The following CFAP45 variants were observed in gnomAD, a reference collection of about 807,000 sequenced individuals.
CFAP45 encodes the protein cilia- and flagella-associated protein 45.
CFAP45 carries 43 observed loss-of-function variants against 75.6 expected under a neutral mutation model. The ratio of observed to expected loss-of-function variants is 0.57; its 90% CI spans 0.45 to 0.73. The LOEUF (loss-of-function observed/expected upper bound fraction) is 0.73. Ranked by LOEUF, CFAP45 falls within the 30% of genes least tolerant of loss-of-function variation. CFAP45 has a pLI of 0.00. For synonymous variants in CFAP45, 223 were observed against 244.6 expected (o/e 0.91, Z 0.82); for missense variants, 689 against 701.5 (o/e 0.98, Z 0.20).
At chr1:159,882,045 C>T (rs983328376) in intron 7 of CFAP45, among the ~76,000 whole-genome samples, 4 of 152,222 alleles carry the variant, frequency 2.6e-5, no homozygotes, top group African/African-American at 7.2e-5. Flanking sequence ...TGGCTCTCTG[C>T]CAGCTTGGCT....
chr1:159,894,895 G>A (rs1366451547), intron 1 of CFAP45, among the ~76,000 whole-genome samples: 2 of 152,198 alleles, frequency 1.3e-5, no homozygotes, highest in African/African-American at 4.8e-5. Flanking sequence ...CACTGATAAC[G>A]ATACCAGCAG....
chr1:159,892,773 G>A (rs1168859786), intron 2 of CFAP45, among the ~76,000 whole-genome samples: 1 of 152,208 alleles, frequency 6.6e-6, no homozygotes, highest in Non-Finnish European at 1.5e-5. Flanking sequence ...TGGGAAAGGA[G>A]GATGGTTTTG....
chr1:159,893,868 T>G (rs1335510100), intron 1 of CFAP45, among the ~76,000 whole-genome samples: 1 of 151,232 alleles, frequency 6.6e-6, no homozygotes, highest in African/African-American at 2.4e-5. Context: ...TTACTATATA[T>G]AAATGTATAT....
intron 8 of CFAP45, among the ~76,000 whole-genome samples, chr1:159,879,954 A>G (rs75724923): frequency 0.045 from 6,904 of 152,200 alleles, 235 homozygotes; most frequent in African/African-American, 0.097. Flanking sequence ...GCCTTCTTCT[A>G]CTCTCCAATC....
At chr1:159,896,552 T>TA (rs1309204854) in intron 1 of CFAP45, among the ~76,000 whole-genome samples, 1 of 152,160 alleles carries the variant, frequency 6.6e-6, no homozygotes, top group African/African-American at 2.4e-5. Context: ...CCAGAGGCAA[T>TA]AGCGAAGAAG....
In CFAP45 at chr1:159,873,366, A is replaced by G. The variant is rs1431549061; in HGVS notation, c.1353-198T>C. On this transcript the variant is annotated intron_variant, in intron 10 of 11. Transcript: ENST00000368099. ...ACATGCATGCCCCCTTCTCCTACCC[A>G]GCCAGGACTAGCTCCAGGGTCGCAT... The G allele has an allele frequency of 5.0e-6, 3 of 597,290 alleles. No homozygotes were observed. The African/African-American group carries it at 5.6e-5, about 11-fold the overall frequency. The allele number at this position is 597,290 out of a possible 1,614,324, so 37.0% of individuals were successfully genotyped here.
rs1557913494 is a variant in CFAP45 at position 159,884,536 on chromosome 1, T to C, written c.797A>G (p.Glu266Gly). 3 of 1,613,720 alleles carry C rather than the reference T, an allele frequency of 1.9e-6. No homozygotes were observed. The highest frequency in any genetic ancestry group is 2.7e-5 in the African/African-American group (2 of 75,016). The change falls in exon 7 of 12, where the codon GAA becomes GGA. Residue 266 changes from glutamate (E) to glycine (G), a missense_variant. Glu to Gly is a moderately conservative substitution (Grantham distance 98). Transcript: ENST00000368099. ...RGRRQIVEQM[E>G]KNQEERSLLA... ...CAGCGATCGCTCCTCCTGGTTCTTT[T>C]CCATCTGTTCCACAATTTGCCGCCT...
intron 6 of CFAP45, 35 bp from the exon 7 acceptor site, chr1:159,884,600 C>T: frequency 6.2e-7 from 1 of 1,603,202 alleles, no homozygotes; most frequent in Non-Finnish European, 8.5e-7. Flanking sequence ...TCTTAGAAAC[C>T]CCGGGTCCAC....
At chr1:159,885,576 T>C (rs1649658257) in intron 6 of CFAP45, among the ~76,000 whole-genome samples, 1 of 152,246 alleles carries the variant, frequency 6.6e-6, no homozygotes, top group South Asian at 2.1e-4. Flanking sequence ...CTTGTCCTTT[T>C]CTGCACAAAA....
intron 1 of CFAP45, among the ~76,000 whole-genome samples, 157 bp from the exon 2 acceptor site, chr1:159,893,462 C>T (rs754042755): frequency 6.6e-6 from 1 of 152,118 alleles, no homozygotes; most frequent in Non-Finnish European, 1.5e-5. Flanking sequence ...CCATAGGGGA[C>T]AAGGAGCAAC....
intron 10 of CFAP45, among the ~76,000 whole-genome samples, chr1:159,874,098 G>C (rs1213801250): frequency 6.6e-6 from 1 of 152,040 alleles, no homozygotes; most frequent in African/African-American, 2.4e-5. Context: ...AATGGCAACA[G>C]GAAAGGCTCA....
intron 2 of CFAP45, among the ~76,000 whole-genome samples, chr1:159,892,931 C>T (rs1179130706): frequency 6.6e-6 from 1 of 152,166 alleles, no homozygotes; most frequent in East Asian, 1.9e-4. Context: ...TCCCTTTTGA[C>T]ATTATAACAG....
At chr1:159,888,321 G>T in intron 4 of CFAP45, 31 bp downstream of exon 4, 1 of 1,609,102 alleles carries the variant, frequency 6.2e-7, no homozygotes, top group African/African-American at 1.3e-5. Context: ...CCACCCATCT[G>T]CAGAGGTGAA....
intron 10 of CFAP45, among the ~76,000 whole-genome samples, chr1:159,873,566 G>C (rs1041397309): frequency 2.0e-5 from 3 of 152,154 alleles, no homozygotes; most frequent in African/African-American, 7.2e-5. Flanking sequence ...AACCACCTGG[G>C]CTCAAGTGAT....
chr1:159,893,984 T>C (rs1242938953), intron 1 of CFAP45, among the ~76,000 whole-genome samples: 1 of 152,098 alleles, frequency 6.6e-6, no homozygotes, highest in Non-Finnish European at 1.5e-5. Context: ...TTGAGTGATC[T>C]CACTGCAAAG....
intron 5 of CFAP45, among the ~76,000 whole-genome samples, chr1:159,887,572 T>C (rs1297795918): frequency 6.6e-6 from 1 of 152,206 alleles, no homozygotes; most frequent in Non-Finnish European, 1.5e-5. Flanking sequence ...TGCCAATGAT[T>C]CCACAAAGTA....
At chr1:159,886,080 G>A (rs9783021) in intron 6 of CFAP45, among the ~76,000 whole-genome samples, 88,589 of 151,958 alleles carry the variant, frequency 0.58, 27,573 homozygotes, top group East Asian at 0.77. Flanking sequence ...CCGGGCTCAC[G>A]CCTGTAATCC....
intron 6 of CFAP45, among the ~76,000 whole-genome samples, 167 bp from the exon 7 acceptor site, chr1:159,884,732 C>G (rs1016839462): frequency 1.3e-5 from 2 of 152,142 alleles, no homozygotes; most frequent in Non-Finnish European, 2.9e-5. Flanking sequence ...GTCCCTCCCC[C>G]AGGAAGGACC....
At chr1:159,899,032 G>A (rs756604430) in intron 1 of CFAP45, among the ~76,000 whole-genome samples, 1 of 152,168 alleles carries the variant, frequency 6.6e-6, no homozygotes. Flanking sequence ...CACCTGTTGT[G>A]CCCCAGACAT....
Sources: allele counts gnomAD v4.1 joint callset (sites outside exome capture counted in the v4.1 genomes callset), GRCh38; gene constraint gnomAD v4.1.1; transcripts MANE v1.5; gene names NCBI Gene and HGNC (gene_info 2026-07-23, HGNC 2026-07-21).